CYP2C8: variants seen among roughly 807,000 people sequenced by gnomAD.
The protein encoded by CYP2C8 is cytochrome P450 family 2 subfamily C member 8, also known as cytochrome P450 2C8.
In CYP2C8, 51 loss-of-function variants were observed where a neutral mutation model predicts 41.3. That is an observed-to-expected ratio of 1.24 (90% confidence interval 0.99 to 1.56). CYP2C8 has a LOEUF of 1.56. Ranked by LOEUF, CYP2C8 falls within the 40% of genes most tolerant of loss-of-function variation. The pLI is 0.00. For synonymous variants in CYP2C8, 218 were observed against 205.8 expected, an observed-to-expected ratio of 1.06 and a Z score of -0.51; for missense variants, 651 against 579.9, an observed-to-expected ratio of 1.12 and a Z score of -1.26.
chr10:95,065,746 T>C (rs995285413), intron 3 of CYP2C8, among the ~76,000 whole-genome samples: 3 of 152,208 alleles, frequency 2.0e-5, no homozygotes, highest in African/African-American at 7.2e-5. Flanking sequence ...TATTATTCAG[T>C]ATAGTCATCA....
rs544645086 is a variant in CYP2C8, at chr10:95,050,435, A to G, written c.820-4484T>C. ...ATCCTTGGAAACATAGGCAGTAGCC[A>G]GGGAATGGTTGCAGCAAGCTTTGGG... On this transcript the variant is annotated intron_variant, in intron 5 of 8. Transcript: ENST00000371270. Among the ~76,000 whole-genome samples the G allele has an allele frequency of 2.0e-5, 3 of 152,312 alleles. No homozygotes were observed. The South Asian group carries it at 6.2e-4, about 32-fold the overall frequency.
chr10:95,059,879 A>G (rs532484973), intron 4 of CYP2C8, among the ~76,000 whole-genome samples: 1 of 152,304 alleles, frequency 6.6e-6, no homozygotes, highest in Admixed American at 6.5e-5. Context: ...CAGTTTTCCC[A>G]GCAACATTTG....
chr10:95,066,147 AGAGAGAGTGTGTGTGT>A (rs1221447804), intron 3 of CYP2C8, among the ~76,000 whole-genome samples: 4 of 114,264 alleles, frequency 3.5e-5, no homozygotes, highest in Non-Finnish European at 7.3e-5. Flanking sequence ...AGAGAGAGAG[AGAGAGAGTGTGTGTGT>A]GTGTGTGTGT....
chr10:95,058,065 T>C (rs1394185028), intron 5 of CYP2C8, among the ~76,000 whole-genome samples: 1 of 152,222 alleles, frequency 6.6e-6, no homozygotes, highest in Non-Finnish European at 1.5e-5. Context: ...TACTTATTTA[T>C]AATTGTTTCC....
chr10:95,037,445 GATGA>G lies in CYP2C8; in HGVS notation c.1292-140_1292-137del, dbSNP rs2032908489. On this transcript the variant is annotated intron_variant, in intron 8 of 8. Transcript: ENST00000371270. ...GATTGGGTAGATGAATGAACATGTG[GATGA>G]ATGGATGGATGACATGATGGATTGA... is the stretch of plus-strand genomic sequence containing the variant. 4.1e-6 allele frequency: 3 copies of G among 733,550 alleles called. No individual in the cohort carries two copies. The South Asian group carries it at 4.7e-5, about 12-fold the overall frequency. 45.4% of individuals were successfully genotyped at this position (733,550 alleles called of 1,614,324 possible).
intron 5 of CYP2C8, among the ~76,000 whole-genome samples, chr10:95,046,748 T>TAAAAA (rs56702266): frequency 1.6e-5 from 2 of 128,976 alleles, no homozygotes; most frequent in African/African-American, 2.8e-5. Flanking sequence ...CTAAATATGG[T>TAAAAA]AAAAAAAAAA....
At chr10:95,042,483 C>A (rs1198520040) in intron 7 of CYP2C8, among the ~76,000 whole-genome samples, 1 of 152,072 alleles carries the variant, frequency 6.6e-6, no homozygotes, top group African/African-American at 2.4e-5. Flanking sequence ...TAAACCACTG[C>A]ACTGAAAATA....
intron 4 of CYP2C8, among the ~76,000 whole-genome samples, chr10:95,058,886 A>G (rs1257400555): frequency 1.3e-5 from 2 of 151,932 alleles, no homozygotes; most frequent in Non-Finnish European, 2.9e-5. Flanking sequence ...GAATGAGAAT[A>G]TGCAGTGTTT....
intron 5 of CYP2C8, among the ~76,000 whole-genome samples, chr10:95,046,592 A>T (rs2033113261): frequency 6.6e-6 from 1 of 152,196 alleles, no homozygotes; most frequent in Admixed American, 6.5e-5. Flanking sequence ...CTTTTAGCAC[A>T]TGAACTGTAG....
chr10:95,059,140 A>G (rs1035375759), intron 4 of CYP2C8, among the ~76,000 whole-genome samples: 4 of 152,174 alleles, frequency 2.6e-5, no homozygotes, highest in African/African-American at 9.6e-5. Flanking sequence ...ATGACTTATA[A>G]TCCTTAGGGT....
At chr10:95,065,440 T>A (rs1296767382) in intron 3 of CYP2C8, among the ~76,000 whole-genome samples, 1 of 152,128 alleles carries the variant, frequency 6.6e-6, no homozygotes, top group African/African-American at 2.4e-5. Context: ...TTCATGTGTT[T>A]TAGGGAACAA....
At position 95,064,945 on chromosome 10, in the gene CYP2C8, G is replaced by A. The variant is rs576554998; in HGVS notation, c.497C>T (p.Pro166Leu). ...LRKTKASPCDPTFILGCAPCN... is the reference protein window; with the variant it reads ...LRKTKASPCDLTFILGCAPCN... ...GGGAGCACAGCCCAGGATGAAAGTGGGATCACAGGGTGAAGCTAAAGATTT... is the reference window on the plus strand; with the variant it reads ...GGGAGCACAGCCCAGGATGAAAGTGAGATCACAGGGTGAAGCTAAAGATTT... The change falls in exon 4 of 9, where the codon CCC (proline) becomes CTC (leucine). Residue 166 changes from proline to leucine, a missense_variant. Pro to Leu is a moderately conservative substitution (Grantham distance 98, BLOSUM62 -3). Coordinates refer to ENST00000371270, the MANE Select transcript of CYP2C8 (RefSeq NM_000770.3). The A allele has an allele frequency of 3.0e-5, 47 of 1,563,516 alleles. No homozygotes were observed. Among genetic ancestry groups the A allele is most frequent in the Non-Finnish European group, 4.0e-5 (46 of 1,154,422 alleles).
At chr10:95,066,935 T>C (rs999713991) in intron 3 of CYP2C8, among the ~76,000 whole-genome samples, 3 of 152,222 alleles carry the variant, frequency 2.0e-5, no homozygotes, top group African/African-American at 7.2e-5. Flanking sequence ...TTATTTATAA[T>C]TTCTGATTTG....
chr10:95,067,319 G>T lies in CYP2C8; in HGVS notation c.370C>A (p.Arg124=). 1.2e-6 allele frequency: 2 copies of T among 1,614,054 alleles called. No homozygotes were observed. Among genetic ancestry groups the T allele is most frequent in the Non-Finnish European group, 1.7e-6 (2 of 1,180,026 alleles). Residue 124 remains arginine, a synonymous_variant, in exon 3 of 9, where the codon CGG becomes AGG. Coordinates refer to ENST00000371270, the MANE Select transcript of CYP2C8 (RefSeq NM_000770.3). ...SSNGKRWKEI[R]RFSLTTLRNF... is the part of the protein sequence containing the mutation. ...CGCAAGGTTGTGAGGGAGAAACGCC[G>T]GATCTCCTTCCATCTCTTTCCATTG... is the stretch of plus-strand genomic sequence containing the variant.
intron 4 of CYP2C8, 148 bp downstream of exon 4, chr10:95,064,652 G>T: frequency 1.3e-6 from 1 of 791,664 alleles, no homozygotes; most frequent in Non-Finnish European, 2.0e-6. Context: ...TTTTGAACAG[G>T]AAATCAAAGG....
intron 8 of CYP2C8, 51 bp downstream of exon 8, chr10:95,038,846 C>T: frequency 6.3e-7 from 1 of 1,598,170 alleles, no homozygotes; most frequent in Non-Finnish European, 8.6e-7. Context: ...CAACTAATTC[C>T]AAAAAGTTCT....
At chr10:95,040,240 G>T (rs528511304) in intron 7 of CYP2C8, among the ~76,000 whole-genome samples, 1 of 152,256 alleles carries the variant, frequency 6.6e-6, no homozygotes, top group East Asian at 1.9e-4. Flanking sequence ...CAGTATTGAG[G>T]TGTAGATAGA....
intron 4 of CYP2C8, among the ~76,000 whole-genome samples, chr10:95,060,366 G>T (rs1314575109): frequency 2.6e-5 from 4 of 152,082 alleles, no homozygotes; most frequent in African/African-American, 7.2e-5. Context: ...CACGTCCCTT[G>T]TAAGTTGGAT....
chr10:95,055,493 A>G (rs758794425), intron 5 of CYP2C8, among the ~76,000 whole-genome samples: 21 of 151,924 alleles, frequency 1.4e-4, no homozygotes, highest in Non-Finnish European at 2.6e-4. Flanking sequence ...TGAACGAAAA[A>G]CTTAAATGTG....
Sources: allele counts gnomAD v4.1 joint callset (sites outside exome capture counted in the v4.1 genomes callset), GRCh38; gene constraint gnomAD v4.1.1; transcripts MANE v1.5; gene names NCBI Gene and HGNC (gene_info 2026-07-23, HGNC 2026-07-21).